TENM2: variants seen among roughly 807,000 people sequenced by gnomAD.
The protein encoded by TENM2 is teneurin-2.
Under a neutral mutation model 245.2 loss-of-function variants are expected in TENM2, and 52 were observed. The observed-to-expected ratio is 0.21, with a 90% CI of 0.17 to 0.27. The LOEUF (loss-of-function observed/expected upper bound fraction) is 0.27. TENM2 is among the 10% of genes least tolerant of loss of function. TENM2 has a pLI of 1.00. For synonymous variants in TENM2, 1,363 were observed against 1,438.9 expected, an observed-to-expected ratio of 0.95 and a Z score of 1.19; for missense variants, 3,046 against 3,666.8, an observed-to-expected ratio of 0.83 and a Z score of 4.37.
intron 2 of TENM2, among the ~76,000 whole-genome samples, chr5:167,525,799 A>G (rs1771072558): frequency 6.6e-6 from 1 of 152,168 alleles, no homozygotes; most frequent in Non-Finnish European, 1.5e-5. Flanking sequence ...TTTGAGAAGT[A>G]TGAGGGGAAA....
intron 2 of TENM2, among the ~76,000 whole-genome samples, chr5:167,424,309 A>AC (rs1464437575): frequency 1.3e-5 from 2 of 151,110 alleles, no homozygotes; most frequent in East Asian, 1.9e-4. Flanking sequence ...ATATTCCAGC[A>AC]CCCCCCACCC....
At chr5:167,762,183 G>A (rs568634085) in intron 2 of TENM2, among the ~76,000 whole-genome samples, 102 of 152,202 alleles carry the variant, frequency 6.7e-4, no homozygotes, top group Non-Finnish European at 1.1e-3. Context: ...ACACGTGCAC[G>A]TGCATGGATA....
intron 2 of TENM2, among the ~76,000 whole-genome samples, chr5:167,705,997 T>G (rs867905235): frequency 7.7e-6 from 1 of 129,080 alleles, no homozygotes; most frequent in African/African-American, 3.7e-5. Flanking sequence ...ATATATTTAT[T>G]TATTTATTTA....
At chr5:167,188,282 T>C in the TENM2 span, among the ~76,000 whole-genome samples, 6 of 152,276 alleles carry the variant, frequency 3.9e-5, no homozygotes, top group South Asian at 1.2e-3. Context: ...GAAGGTAGTC[T>C]CGCTAGGCCA....
At chr5:167,277,644 G>T in the TENM2 span, among the ~76,000 whole-genome samples, 1 of 152,150 alleles carries the variant, frequency 6.6e-6, no homozygotes, top group East Asian at 1.9e-4. Flanking sequence ...TGGTGTTGTT[G>T]GGATCTTCTA....
intron 5 of TENM2, among the ~76,000 whole-genome samples, chr5:168,000,172 G>A (rs546920158): frequency 1.3e-5 from 2 of 152,306 alleles, no homozygotes; most frequent in East Asian, 3.9e-4. Context: ...AAGCCAACAG[G>A]CCCTTCAGCT....
chr5:167,125,009 T>C, the TENM2 span, among the ~76,000 whole-genome samples: 2 of 152,114 alleles, frequency 1.3e-5, no homozygotes, highest in South Asian at 2.1e-4. Context: ...CCTCTAGACA[T>C]GTTAAGTGAT....
the TENM2 span, among the ~76,000 whole-genome samples, chr5:167,082,388 A>G: frequency 1.3e-5 from 2 of 151,964 alleles, no homozygotes; most frequent in Admixed American, 1.3e-4. Context: ...GATTCAAGCA[A>G]TTCTCCTGCC....
intron 2 of TENM2, among the ~76,000 whole-genome samples, chr5:167,741,298 A>G (rs1439255713): frequency 6.6e-6 from 1 of 152,186 alleles, no homozygotes; most frequent in African/African-American, 2.4e-5. Context: ...GTCCCAGATT[A>G]GATGCTCAAC....
chr5:167,196,959 A>G, the TENM2 span, among the ~76,000 whole-genome samples: 1 of 151,896 alleles, frequency 6.6e-6, no homozygotes, highest in South Asian at 2.1e-4. Context: ...TGTCTCACCC[A>G]TACTCCTGTT....
At chr5:167,937,129 G>A (rs548928223) in intron 3 of TENM2, among the ~76,000 whole-genome samples, 14 of 152,290 alleles carry the variant, frequency 9.2e-5, no homozygotes, top group African/African-American at 2.9e-4. Flanking sequence ...TCTTTGTGGT[G>A]AGAACATTTA....
chr5:167,298,460 G>A (rs1017814221), intron 1 of TENM2, among the ~76,000 whole-genome samples: 5 of 152,106 alleles, frequency 3.3e-5, no homozygotes, highest in South Asian at 4.2e-4. Flanking sequence ...AAAATTAGCC[G>A]GGCGAGGTGG....
At chr5:167,400,826 C>T (rs1191023137) in intron 2 of TENM2, among the ~76,000 whole-genome samples, 1 of 152,048 alleles carries the variant, frequency 6.6e-6, no homozygotes, top group Non-Finnish European at 1.5e-5. Flanking sequence ...CCATAAGCCA[C>T]AAAATATTTA....
the TENM2 span, among the ~76,000 whole-genome samples, chr5:167,144,024 C>T: frequency 2.0e-5 from 3 of 152,104 alleles, no homozygotes; most frequent in African/African-American, 7.2e-5. Flanking sequence ...CTCATCAAGG[C>T]AGCTGTGCTG....
At chr5:167,301,456 G>A (rs915725257) in intron 1 of TENM2, among the ~76,000 whole-genome samples, 1 of 152,212 alleles carries the variant, frequency 6.6e-6, no homozygotes, top group African/African-American at 2.4e-5. Context: ...GTCTCACAGT[G>A]GAGGCAAGGA....
intron 12 of TENM2, chr5:168,130,041 C>T (rs1754432644): frequency 6.6e-6 from 1 of 152,134 alleles, no homozygotes; most frequent in South Asian, 2.1e-4. Flanking sequence ...AAATAGTCAA[C>T]TGAACAATTC....
At chr5:167,040,959 T>C in the TENM2 span, among the ~76,000 whole-genome samples, 1 of 152,296 alleles carries the variant, frequency 6.6e-6, no homozygotes, top group African/African-American at 2.4e-5. Flanking sequence ...AAGAGAATTA[T>C]TTATCAATAT....
chr5:167,743,135 C>T (rs1423657408), intron 2 of TENM2, among the ~76,000 whole-genome samples: 1 of 152,140 alleles, frequency 6.6e-6, no homozygotes, highest in African/African-American at 2.4e-5. Flanking sequence ...TAGTATAAGA[C>T]CTGGGACTAC....
intron 2 of TENM2, among the ~76,000 whole-genome samples, chr5:167,838,194 G>T (rs1384313058): frequency 6.6e-6 from 1 of 152,198 alleles, no homozygotes; most frequent in Non-Finnish European, 1.5e-5. Flanking sequence ...GAAATGGTCG[G>T]CAGTGAATAT....
Sources: gnomAD v4.1 joint callset for allele counts (sites outside exome capture counted in the v4.1 genomes callset) on GRCh38, gnomAD v4.1.1 for gene constraint, MANE v1.5 for transcripts, NCBI Gene and HGNC (gene_info 2026-07-23, HGNC 2026-07-21) for gene names.